The following COPA variants were observed in gnomAD, a reference collection of about 807,000 sequenced individuals.
COPA encodes coat protein complex I subunit alpha.
In COPA, 10 loss-of-function variants were observed where a neutral mutation model predicts 158.7. That is an observed-to-expected ratio of 0.06 (90% CI 0.04 to 0.11). The LOEUF (loss-of-function observed/expected upper bound fraction) is 0.11. Among genes scored for constraint, COPA ranks in the 10% least tolerant of loss-of-function variants. The pLI is 1.00. For missense variants in COPA, 1,065 were observed against 1,536.7 expected, an observed-to-expected ratio of 0.69 and a Z score of 5.13; for synonymous variants, 462 against 542.8, an observed-to-expected ratio of 0.85 and a Z score of 2.07.
At chr1:160,310,828 T>C (rs1658942727) in intron 11 of COPA, among the ~76,000 whole-genome samples, 1 of 152,106 alleles carries the variant, frequency 6.6e-6, no homozygotes, top group Non-Finnish European at 1.5e-5. Flanking sequence ...CAGGGACATA[T>C]ATTCTGGTTC....
At chr1:160,307,409 C>A (rs954015034) in intron 13 of COPA, among the ~76,000 whole-genome samples, 164 bp from the exon 14 acceptor site, 2 of 152,220 alleles carry the variant, frequency 1.3e-5, no homozygotes, top group Non-Finnish European at 1.5e-5. Context: ...TATTGAGTGA[C>A]TTTTCCCCAC....
At chr1:160,337,023 A>G (rs1647797752) in intron 3 of COPA, among the ~76,000 whole-genome samples, 1 of 152,232 alleles carries the variant, frequency 6.6e-6, no homozygotes, top group Non-Finnish European at 1.5e-5. Context: ...CTTTGCCTCT[A>G]TCTATTCAAT....
Position 160,299,714 on chromosome 1 carries a change from T to C in COPA, c.1668-450A>G, listed in dbSNP as rs16831787. Among the ~76,000 whole-genome samples the C allele has an allele frequency of 4.7e-3, 718 of 152,266 alleles. 9 individuals are homozygous for C. Among genetic ancestry groups the C allele is most frequent in the African/African-American group, 0.016 (681 of 41,556 alleles). ...GTTTGTCAATATAGCTAATGCAACA[T>C]TTAACAGATAATTTACAGACTGCAT... is the stretch of plus-strand genomic sequence containing the variant. On this transcript the variant is annotated intron_variant, in intron 17 of 32. Coordinates refer to ENST00000241704, the MANE Select transcript of COPA (RefSeq NM_004371.4).
At chr1:160,294,908 G>A (rs1658352177) in intron 23 of COPA, 51 bp from the exon 24 acceptor site, 1 of 1,516,930 alleles carries the variant, frequency 6.6e-7, no homozygotes, top group Non-Finnish European at 9.1e-7. Context: ...GCAAGTCTGA[G>A]ATACGGCCTT....
intron 4 of COPA, among the ~76,000 whole-genome samples, chr1:160,334,752 T>C (rs1284590710): frequency 1.3e-5 from 2 of 152,178 alleles, no homozygotes; most frequent in African/African-American, 2.4e-5. Context: ...AAATCTACTA[T>C]GTTACCTGGC....
At chr1:160,317,819 A>T (rs1351559287) in intron 8 of COPA, 21 of 731,244 alleles carry the variant, frequency 2.9e-5, no homozygotes, top group Non-Finnish European at 4.4e-5. Flanking sequence ...ATCTCTTTGA[A>T]ACATCTGGTA....
chr1:160,294,848 C>T lies in COPA; in HGVS notation c.2486G>A (p.Gly829Glu). Reference protein sequence around the residue: ...EGTIASKGKGGALAADIDIDT... With the variant: ...EGTIASKGKGEALAADIDIDT... ...AATGTCAATGTCAGCAGCCAGTGCTCCTCCCTTCCCTACAGAGGGAAGGAA... is the reference window on the plus strand; with the variant it reads ...AATGTCAATGTCAGCAGCCAGTGCTTCTCCCTTCCCTACAGAGGGAAGGAA... Residue 829 changes from glycine to glutamate, a missense_variant, in exon 24 of 33, where the codon GGA (glycine) becomes GAA (glutamate). Physicochemically the swap from Gly to Glu is moderately conservative, Grantham distance 98. Coordinates refer to ENST00000241704, the MANE Select transcript of COPA (RefSeq NM_004371.4). 4.3e-6 allele frequency: 7 copies of T among 1,614,130 alleles called. No homozygotes were observed. Among genetic ancestry groups the T allele is most frequent in the Non-Finnish European group, 5.9e-6 (7 of 1,179,980 alleles).
chr1:160,302,069 T>C (rs531933617), intron 17 of COPA, among the ~76,000 whole-genome samples: 3 of 152,160 alleles, frequency 2.0e-5, no homozygotes, highest in Non-Finnish European at 4.4e-5. Context: ...AATATAGTAA[T>C]ATATAAGTAC....
intron 14 of COPA, 27 bp downstream of exon 14, chr1:160,307,136 T>C: frequency 6.2e-7 from 1 of 1,611,328 alleles, no homozygotes; most frequent in African/African-American, 1.3e-5. Context: ...CTCCCCAAAT[T>C]AGTTTCTGCT....
chr1:160,310,485 A>G (rs1658928692), intron 11 of COPA: 1 of 327,614 alleles, frequency 3.1e-6, no homozygotes. Context: ...CCATAGTAGA[A>G]GTCAAATTAT....
intron 8 of COPA, among the ~76,000 whole-genome samples, chr1:160,321,951 G>T (rs954136128): frequency 1.4e-4 from 21 of 152,234 alleles, no homozygotes; most frequent in Admixed American, 5.2e-4. Flanking sequence ...GATGAAAAAA[G>T]TTGAAGAGGA....
intron 15 of COPA, 62 bp from the exon 16 acceptor site, chr1:160,305,835 C>G (rs1339610290): frequency 7.4e-7 from 1 of 1,357,142 alleles, no homozygotes; most frequent in Non-Finnish European, 1.1e-6. Flanking sequence ...AGGCTTTGAT[C>G]TACATCAATT....
chr1:160,309,192 G>C lies in COPA; in HGVS notation c.1144-16C>G, dbSNP rs774886058. 5.0e-6 allele frequency: 8 copies of C among 1,600,914 alleles called. No homozygotes were observed. In the South Asian group the frequency reaches 8.8e-5, roughly 18 times the overall value. Reference sequence around the variant, plus strand: ...TGCTAGCTCTCTGTAGAAGAAAAGGGGAAATTAAAATGTTAGTGAGAAGCA... The same window carrying C: ...TGCTAGCTCTCTGTAGAAGAAAAGGCGAAATTAAAATGTTAGTGAGAAGCA... On this transcript the variant is annotated splice_polypyrimidine_tract_variant and intron_variant, in intron 12 of 32. Transcript: ENST00000241704.
At chr1:160,329,930 T>C (rs113731970) in intron 6 of COPA, among the ~76,000 whole-genome samples, 3,870 of 152,164 alleles carry the variant, frequency 0.025, 51 homozygotes, top group Middle Eastern at 0.037. Flanking sequence ...CTGGCCAAAA[T>C]AGTGAAACCC....
intron 1 of COPA, among the ~76,000 whole-genome samples, chr1:160,341,353 A>C (rs1346533041): frequency 1.3e-5 from 2 of 152,248 alleles, no homozygotes; most frequent in Non-Finnish European, 2.9e-5. Context: ...AAGTACATAT[A>C]AACATAACCT....
At position 160,288,712 on chromosome 1, in the gene COPA, G is replaced by GC. The variant is rs1271436333; in HGVS notation, c.*1444_*1445insG. 6.6e-6 allele frequency among the ~76,000 whole-genome samples: 1 copy of GC among 152,132 alleles called. No homozygotes were observed. The highest frequency in any genetic ancestry group is 1.5e-5 in the Non-Finnish European group (1 of 68,012). On this transcript the variant is annotated 3_prime_UTR_variant, in exon 33 of 33. Coordinates refer to ENST00000241704, the MANE Select transcript of COPA (RefSeq NM_004371.4). ...CTCTACCCAATTATTCTTAGCATAT[G>GC]ACAAGCAAAATATTGTATTGTTAAT...
rs191866005 is a variant in COPA at position 160,315,245 on chromosome 1, C to G, written c.707-1120G>C. On this transcript the variant is annotated intron_variant, in intron 8 of 32. Transcript: ENST00000241704. The stretch of plus-strand genomic sequence containing the variant: ...CTACCTTCCCCATCTTCCTGGGTGC[C>G]CTGGCAGGAGATCTAACCTTGACTT... Among the ~76,000 whole-genome samples the G allele has an allele frequency of 4.6e-4, 70 of 152,296 alleles. 1 individual carries two copies. In the East Asian group the frequency reaches 9.8e-3, roughly 21 times the overall value.
At chr1:160,329,344 C>A (rs551807210) in intron 6 of COPA, among the ~76,000 whole-genome samples, 1 of 152,130 alleles carries the variant, frequency 6.6e-6, no homozygotes, top group Non-Finnish European at 1.5e-5. Flanking sequence ...ATAGCAATTG[C>A]AAGGTTATTA....
chr1:160,340,097 G>A, intron 2 of COPA, 84 bp downstream of exon 2: 1 of 1,475,932 alleles, frequency 6.8e-7, no homozygotes, highest in South Asian at 1.1e-5. Context: ...AATCATAGAG[G>A]AATCCATGTC....
Sources: gnomAD v4.1 joint callset for allele counts (sites outside exome capture counted in the v4.1 genomes callset) on GRCh38, gnomAD v4.1.1 for gene constraint, MANE v1.5 for transcripts, NCBI Gene and HGNC (gene_info 2026-07-23, HGNC 2026-07-21) for gene names.